GUCY2C: variants seen among roughly 807,000 people sequenced by gnomAD.
GUCY2C encodes the protein guanylyl cyclase C.
Under a neutral mutation model 131.1 loss-of-function variants are expected in GUCY2C, and 118 were observed. The ratio of observed to expected loss-of-function variants is 0.90; its 90% CI spans 0.78 to 1.05. The LOEUF (loss-of-function observed/expected upper bound fraction) is 1.05, where lower values mean the gene tolerates loss of function less well. Among genes scored for constraint, GUCY2C ranks in the 50% least tolerant of loss-of-function variants. The pLI, the probability that GUCY2C is intolerant of heterozygous loss-of-function variation, is 0.00. For missense variants in GUCY2C, 1,161 were observed against 1,304.4 expected (o/e 0.89, Z 1.69); for synonymous variants, 452 against 457.8 (o/e 0.99, Z 0.16).
intron 11 of GUCY2C, among the ~76,000 whole-genome samples, chr12:14,658,707 TTTATTAA>T (rs1326486093): frequency 3.9e-5 from 6 of 152,050 alleles, no homozygotes; most frequent in Admixed American, 6.5e-5. Flanking sequence ...AAAAGTCATT[TTTATTAA>T]TTTATTCTAA....
At chr12:14,624,267 C>T (rs1218243890) in intron 21 of GUCY2C, among the ~76,000 whole-genome samples, 1 of 151,962 alleles carries the variant, frequency 6.6e-6, no homozygotes, top group East Asian at 1.9e-4. Context: ...ATGGTGAAAC[C>T]CCCTCTCTAC....
intron 10 of GUCY2C, among the ~76,000 whole-genome samples, chr12:14,666,735 CA>C (rs5796603): frequency 0.95 from 124,243 of 130,632 alleles, 59,026 homozygotes; most frequent in East Asian, 0.98. Context: ...ACAATGTCTC[CA>C]AAAAAAAAAA....
chr12:14,677,115 A>G, intron 6 of GUCY2C, 144 bp from the exon 7 acceptor site: 1 of 330,664 alleles, frequency 3.0e-6, no homozygotes, highest in Non-Finnish European at 5.8e-6. Flanking sequence ...TACTTTCCCC[A>G]GATAGAATTG....
chr12:14,651,789 C>T (rs1198581670), intron 14 of GUCY2C, among the ~76,000 whole-genome samples, 170 bp downstream of exon 14: 2 of 152,106 alleles, frequency 1.3e-5, no homozygotes, highest in Non-Finnish European at 2.9e-5. Context: ...TTTTTTACAC[C>T]GTCAACCTCA....
chr12:14,639,230 C>T (rs992201723), intron 19 of GUCY2C, among the ~76,000 whole-genome samples: 8 of 145,374 alleles, frequency 5.5e-5, no homozygotes, highest in Non-Finnish European at 1.0e-4. Context: ...GACGGGAGGC[C>T]GGAGTTGCAG....
At chr12:14,678,551 G>A (rs1948285890) in intron 6 of GUCY2C, among the ~76,000 whole-genome samples, 1 of 152,162 alleles carries the variant, frequency 6.6e-6, no homozygotes, top group Non-Finnish European at 1.5e-5. Flanking sequence ...CTGTAGTTTA[G>A]AGTCTAGTTG....
intron 10 of GUCY2C, among the ~76,000 whole-genome samples, chr12:14,663,374 C>G (rs982588118): frequency 6.6e-6 from 1 of 152,250 alleles, no homozygotes; most frequent in Non-Finnish European, 1.5e-5. Context: ...CCTCCACCCT[C>G]CAGGTTCAAA....
At chr12:14,692,865 TAAAG>T (rs1237032050) in intron 1 of GUCY2C, among the ~76,000 whole-genome samples, 3 of 152,014 alleles carry the variant, frequency 2.0e-5, no homozygotes, top group Non-Finnish European at 4.4e-5. Context: ...AATAAATAAA[TAAAG>T]AGGTCCTAAT....
intron 19 of GUCY2C, among the ~76,000 whole-genome samples, chr12:14,636,779 C>T (rs1240740250): frequency 2.0e-5 from 3 of 152,032 alleles, no homozygotes; most frequent in African/African-American, 7.2e-5. Context: ...AAATTCAGTA[C>T]AGTTGAAGGA....
intron 10 of GUCY2C, among the ~76,000 whole-genome samples, chr12:14,663,628 C>T (rs905471730): frequency 1.3e-5 from 2 of 152,080 alleles, no homozygotes; most frequent in African/African-American, 4.8e-5. Context: ...GTAGGTGCCC[C>T]GAAAATGAGG....
intron 1 of GUCY2C, among the ~76,000 whole-genome samples, chr12:14,692,694 A>G (rs965850819): frequency 2.0e-5 from 3 of 152,172 alleles, no homozygotes; most frequent in Non-Finnish European, 2.9e-5. Context: ...CTAAAAATAC[A>G]AAACATTAGC....
chr12:14,667,444 C>A (rs964326930), intron 10 of GUCY2C, among the ~76,000 whole-genome samples: 2 of 152,146 alleles, frequency 1.3e-5, no homozygotes, highest in African/African-American at 4.8e-5. Flanking sequence ...TAGAAGAATG[C>A]CATCTTCATT....
intron 20 of GUCY2C, among the ~76,000 whole-genome samples, chr12:14,627,072 G>A (rs1947034636): frequency 6.6e-6 from 1 of 152,190 alleles, no homozygotes; most frequent in South Asian, 2.1e-4. Context: ...GTGACACTGG[G>A]AGGTATGACA....
At position 14,634,250 on chromosome 12, in the gene GUCY2C, A is replaced by G. The variant is rs112200438; in HGVS notation, c.2158-5513T>C. On this transcript the variant is annotated intron_variant, in intron 19 of 26. Transcript: ENST00000261170. ...GAGGTAGTCAAAGTGCTGAAAGAAA[A>G]ACCAAATTCCAGTTAAGGATACTAT... 4.8e-3 allele frequency among the ~76,000 whole-genome samples: 726 copies of G among 152,362 alleles called. 7 individuals carry two copies. Among genetic ancestry groups the G allele is most frequent in the African/African-American group, 0.017 (689 of 41,580 alleles).
intron 2 of GUCY2C, 90 bp downstream of exon 2, chr12:14,687,861 A>G: frequency 1.3e-6 from 1 of 742,948 alleles, no homozygotes; most frequent in South Asian, 1.5e-5. Flanking sequence ...ATGATGGGAG[A>G]GCTGCTTCAT....
At chr12:14,649,557 C>A (rs1430586116) in intron 15 of GUCY2C, among the ~76,000 whole-genome samples, 1 of 151,926 alleles carries the variant, frequency 6.6e-6, no homozygotes, top group African/African-American at 2.4e-5. Flanking sequence ...GTTGTATACA[C>A]AAAAAGCATA....
chr12:14,638,050 G>A (rs1368236478), intron 19 of GUCY2C, among the ~76,000 whole-genome samples: 2 of 152,040 alleles, frequency 1.3e-5, no homozygotes, highest in Admixed American at 6.6e-5. Context: ...TAAAAAGTGG[G>A]CAAAACTCAT....
At chr12:14,630,913 A>G (rs753976147) in intron 19 of GUCY2C, among the ~76,000 whole-genome samples, 5 of 152,182 alleles carry the variant, frequency 3.3e-5, no homozygotes, top group Non-Finnish European at 7.3e-5. Flanking sequence ...CTCAGATTAG[A>G]AAAAAAGGGC....
intron 19 of GUCY2C, among the ~76,000 whole-genome samples, chr12:14,638,442 A>G (rs1947318095): frequency 6.6e-6 from 1 of 152,276 alleles, no homozygotes; most frequent in African/African-American, 2.4e-5. Context: ...ACTATTCACA[A>G]TAGCAAAGAT....
Sources: gnomAD v4.1 joint callset for allele counts (sites outside exome capture counted in the v4.1 genomes callset) on GRCh38, gnomAD v4.1.1 for gene constraint, MANE v1.5 for transcripts, NCBI Gene and HGNC (gene_info 2026-07-23, HGNC 2026-07-21) for gene names.